The following TNFRSF10A variants were observed in gnomAD, a reference collection of about 807,000 sequenced individuals.
The protein encoded by TNFRSF10A is TNF receptor superfamily member 10a.
A neutral mutation model predicts 42.8 loss-of-function variants in TNFRSF10A; 44 were observed. The ratio of observed to expected loss-of-function variants is 1.03; its 90% CI spans 0.81 to 1.32. The LOEUF is 1.32. Among genes scored for constraint, TNFRSF10A ranks in the 40% most tolerant of loss-of-function variants. The pLI, the probability that TNFRSF10A is intolerant of heterozygous loss-of-function variation, is 0.00. For missense variants in TNFRSF10A, 680 were observed against 602.0 expected (o/e 1.13, Z -1.36); for synonymous variants, 259 against 234.2 (o/e 1.11, Z -0.97).
chr8:23,201,840 A>C lies in TNFRSF10A; in HGVS notation c.597T>G (p.Asn199Lys), dbSNP rs778307119. ...QCKPGTFRND[N>K]SAEMCRKCSR... The stretch of plus-strand genomic sequence containing the variant: ...TGCACTTCCGGCACATCTCAGCAGA[A>C]TTGTCATTCCGGAAAGTTCCTGGTT... The change falls in exon 4 of 10, where the codon AAT becomes AAG. Residue 199 changes from asparagine to lysine, a missense_variant. Physicochemically the swap from Asn to Lys is moderately conservative, Grantham distance 94 (BLOSUM62 0). Coordinates refer to ENST00000221132, the MANE Select transcript of TNFRSF10A (RefSeq NM_003844.4). The C allele has an allele frequency of 1.9e-6, 3 of 1,614,144 alleles. No individual in the cohort carries two copies. Among genetic ancestry groups the C allele is most frequent in the Middle Eastern group, 1.6e-4 (1 of 6,062 alleles).
Position 23,202,822 on chromosome 8 carries a change from G to A in TNFRSF10A, c.404-61C>T, listed in dbSNP as rs990314829. Reference sequence around the variant, plus strand: ...CACAGAGTTCCCAGAGGATCGTGGCGGTGGCTAGGAAACTCTTCTTTTGGC... The same window carrying A: ...CACAGAGTTCCCAGAGGATCGTGGCAGTGGCTAGGAAACTCTTCTTTTGGC... On this transcript the variant is annotated intron_variant, in intron 2 of 9. Coordinates refer to ENST00000221132, the MANE Select transcript of TNFRSF10A (RefSeq NM_003844.4). The A allele has an allele frequency of 2.6e-5, 31 of 1,210,284 alleles. No homozygotes were observed. The Admixed American group carries it at 2.9e-4, about 11-fold the overall frequency. The allele number at this position is 1,210,284 out of a possible 1,614,324, so 75.0% of individuals were successfully genotyped here.
intron 4 of TNFRSF10A, among the ~76,000 whole-genome samples, chr8:23,201,303 C>T (rs1315384007): frequency 6.6e-6 from 1 of 152,076 alleles, no homozygotes; most frequent in Admixed American, 6.5e-5. Context: ...GGCTCAGGTC[C>T]TCATGGGAAC....
At position 23,212,129 on chromosome 8, in the gene TNFRSF10A, C is replaced by G. The variant is rs1204154199; in HGVS notation, c.390G>C (p.Glu130Asp). Residue 130 changes from glutamate (E) to aspartate (D), a missense_variant, in exon 2 of 10, where the codon GAG becomes GAC. Physicochemically the swap from Glu to Asp is conservative, Grantham distance 45. Coordinates refer to ENST00000221132, the MANE Select transcript of TNFRSF10A (RefSeq NM_003844.4). ...CTTAGAATGTACCTGGTGGACACAA[C>G]TCTCCCAAAGGGCTATGTTCCCATT... ...TQQWEHSPLG[E>D]LCPPGSHRSE... is the part of the protein sequence containing the mutation. 6.2e-7 allele frequency: 1 copy of G among 1,613,484 alleles called. No homozygotes were observed. The highest frequency in any genetic ancestry group is 1.3e-5 in the African/African-American group (1 of 74,906).
chr8:23,207,431 A>G (rs1355649975), intron 2 of TNFRSF10A: 4 of 484,350 alleles, frequency 8.3e-6, no homozygotes, highest in Non-Finnish European at 1.6e-5. Context: ...AACAAAGTTG[A>G]GGCCCAGATG....
At position 23,191,708 on chromosome 8, in the gene TNFRSF10A, C is replaced by G. The variant is rs761447580; in HGVS notation, c.1393G>C (p.Val465Leu). 9 of 1,613,648 alleles carry G rather than the reference C, an allele frequency of 5.6e-6. No homozygotes were observed. The highest frequency in any genetic ancestry group is 7.6e-6 in the Non-Finnish European group (9 of 1,179,804). Residue 465 changes from valine to leucine, a missense_variant, in exon 10 of 10, where the codon GTG (valine) becomes CTG (leucine). Physicochemically the swap from Val to Leu is conservative, Grantham distance 32. Transcript: ENST00000221132. Reference protein sequence around the residue: ...IYLEDGTGSAVSLE With the variant: ...IYLEDGTGSALSLE ...AAAAGAGTCTTTCACTCCAAGGACA[C>G]GGCAGAGCCTGTGCCATCTTCTAAG...
intron 2 of TNFRSF10A, chr8:23,207,078 C>G (rs1420212441): frequency 3.9e-6 from 2 of 518,082 alleles, no homozygotes; most frequent in African/African-American, 1.9e-5. Flanking sequence ...TACTGAGACT[C>G]TGGAGAGCAC....
At position 23,192,017 on chromosome 8, in the gene TNFRSF10A, G is replaced by A. The variant is rs1800762434; in HGVS notation, c.1088-4C>T. 2.5e-6 allele frequency: 4 copies of A among 1,609,584 alleles called. No homozygotes were observed. Among genetic ancestry groups the A allele is most frequent in the East Asian group, 2.2e-5 (1 of 44,846 alleles). On this transcript the variant is annotated splice_polypyrimidine_tract_variant and splice_region_variant and intron_variant, in intron 9 of 9. Transcript: ENST00000221132. ...TTGTCAAAGAACAGCATCAGAGCTG[G>A]GTGGAGAAAGCCACAGAGACAGCCA...
rs58691757 is a variant in TNFRSF10A at position 23,213,436 on chromosome 8, C to CTTTTTTTTTTTTTTT, written c.307-1239_307-1225dup. On this transcript the variant is annotated intron_variant, in intron 1 of 9. Coordinates refer to ENST00000221132, the MANE Select transcript of TNFRSF10A (RefSeq NM_003844.4). ...GCTGGTTTGGGCTTAGTTTGCTCCT[C>CTTTTTTTTTTTTTTT]TTTTTTTTTTTTTTTTTTTTTTTTT... Among the ~76,000 whole-genome samples the CTTTTTTTTTTTTTTT allele has an allele frequency of 3.6e-3, 248 of 68,616 alleles. 32 individuals are homozygous for CTTTTTTTTTTTTTTT. Among genetic ancestry groups the CTTTTTTTTTTTTTTT allele is most frequent in the East Asian group, 7.3e-3 (13 of 1,776 alleles). The allele number at this position is 68,616 out of a possible 152,430, so 45.0% of individuals were successfully genotyped here. A position where few individuals can be genotyped will look rare whatever the true frequency, so the allele number is the denominator to read the frequency against.
rs1800937059 is a variant in TNFRSF10A, at chr8:23,202,074, A to G, written c.518-155T>C. ...TCTGCACCAGCACACTCGGGCTCAC[A>G]CAGGACACCCACCCTTCAGCTGTCA... On this transcript the variant is annotated intron_variant, in intron 3 of 9. Coordinates refer to ENST00000221132, the MANE Select transcript of TNFRSF10A (RefSeq NM_003844.4). Among the ~76,000 whole-genome samples, 3 of 151,840 alleles carry G rather than the reference A, an allele frequency of 2.0e-5. No individual in the cohort carries two copies. In the South Asian group the frequency reaches 6.2e-4, roughly 32 times the overall value.
chr8:23,204,387 T>G (rs577298283), intron 2 of TNFRSF10A, among the ~76,000 whole-genome samples: 1 of 152,172 alleles, frequency 6.6e-6, no homozygotes, highest in Non-Finnish European at 1.5e-5. Flanking sequence ...GAAAACTGCA[T>G]GGAAGAAATC....
intron 1 of TNFRSF10A, among the ~76,000 whole-genome samples, chr8:23,216,838 G>A (rs1467898506): frequency 1.3e-5 from 2 of 152,054 alleles, no homozygotes; most frequent in African/African-American, 4.8e-5. Context: ...CATTTTTGGA[G>A]TCCTTCTAGA....
At chr8:23,212,362 C>A in intron 1 of TNFRSF10A, 150 bp from the exon 2 acceptor site, 1 of 684,458 alleles carries the variant, frequency 1.5e-6, no homozygotes, top group Non-Finnish European at 2.6e-6. Context: ...TGTTTGTGCT[C>A]ATCTTTGTCT....
rs749492562 is a variant in TNFRSF10A at position 23,200,620 on chromosome 8, G to C, written c.704-20C>G. 1 of 1,614,120 alleles carries C rather than the reference G, an allele frequency of 6.2e-7. No individual in the cohort carries two copies. Among genetic ancestry groups the C allele is most frequent in the Non-Finnish European group, 8.5e-7 (1 of 1,179,952 alleles). Reference sequence around the variant, plus strand: ...CATTGCCTGAGAAAAGACAGGAAAAGACAGGAGTCTCGGGCTGCTGGTCCC... The same window carrying C: ...CATTGCCTGAGAAAAGACAGGAAAACACAGGAGTCTCGGGCTGCTGGTCCC... On this transcript the variant is annotated intron_variant, in intron 5 of 9. Transcript: ENST00000221132.
intron 2 of TNFRSF10A, among the ~76,000 whole-genome samples, chr8:23,204,985 C>T (rs1366722937): frequency 6.6e-6 from 1 of 151,896 alleles, no homozygotes; most frequent in Non-Finnish European, 1.5e-5. Flanking sequence ...ATATCTCAAT[C>T]TATAACCTAA....
At chr8:23,221,996 C>G (rs1221734355) in intron 1 of TNFRSF10A, among the ~76,000 whole-genome samples, 2 of 152,052 alleles carry the variant, frequency 1.3e-5, no homozygotes, top group Non-Finnish European at 2.9e-5. Flanking sequence ...CCTGCCTCAG[C>G]CTCCCGAGTA....
intron 8 of TNFRSF10A, among the ~76,000 whole-genome samples, chr8:23,198,223 G>A (rs1800851768): frequency 2.0e-5 from 3 of 151,982 alleles, no homozygotes; most frequent in African/African-American, 4.8e-5. Context: ...AACAATTCAG[G>A]GAGTGCCTCG....
Position 23,225,027 on chromosome 8 carries a change from G to T in TNFRSF10A, c.35C>A (p.Ala12Glu). 1 of 1,568,590 alleles carries T rather than the reference G, an allele frequency of 6.4e-7. No individual in the cohort carries two copies. The highest frequency in any genetic ancestry group is 2.3e-5 in the East Asian group (1 of 44,108). The change falls in exon 1 of 10, where the codon GCG becomes GAG. Residue 12 changes from alanine (A) to glutamate (E), a missense_variant. Transcript: ENST00000221132. The stretch of plus-strand genomic sequence containing the variant: ...GGGATTCGGAGTCACTGCCAGGAAC[G>T]CACCTAGATGTACTCTAGCTGGTGG... ...APPPARVHLG[A>E]FLAVTPNPGS...
chr8:23,221,872 G>T (rs1376343863), intron 1 of TNFRSF10A, among the ~76,000 whole-genome samples: 1 of 150,494 alleles, frequency 6.6e-6, no homozygotes, highest in Non-Finnish European at 1.5e-5. Flanking sequence ...GGGCACGCTT[G>T]TGTATTCTTT....
At chr8:23,206,452 C>A (rs1039728408) in intron 2 of TNFRSF10A, among the ~76,000 whole-genome samples, 1 of 152,166 alleles carries the variant, frequency 6.6e-6, no homozygotes, top group South Asian at 2.1e-4. Flanking sequence ...TTTTATTGGG[C>A]CTTTTCTATG....
Sources: allele counts gnomAD v4.1 joint callset (sites outside exome capture counted in the v4.1 genomes callset), GRCh38; gene constraint gnomAD v4.1.1; transcripts MANE v1.5; gene names NCBI Gene and HGNC (gene_info 2026-07-23, HGNC 2026-07-21).